The following NOL10 variants were observed in gnomAD, a reference collection of about 807,000 sequenced individuals.
The protein encoded by NOL10 is nucleolar protein 10, also known as H_NH0074G24.1.
A neutral mutation model predicts 103.5 loss-of-function variants in NOL10; 58 were observed. The observed-to-expected ratio is 0.56, with a 90% CI of 0.45 to 0.70. The LOEUF is 0.70. NOL10 is among the 30% of genes least tolerant of loss of function. The pLI, the probability that NOL10 is intolerant of heterozygous loss-of-function variation, is 0.00. For missense variants in NOL10, 763 were observed against 807.3 expected (o/e 0.95, Z 0.67); for synonymous variants, 287 against 282.5 (o/e 1.02, Z -0.16).
At position 10,572,310 on chromosome 2, in the gene NOL10, C is replaced by T. The variant is rs1674220377; in HGVS notation, c.1948-120G>A. 8.4e-6 allele frequency: 9 copies of T among 1,071,444 alleles called. No homozygotes were observed. The Admixed American group carries it at 1.0e-4, about 12-fold the overall frequency. 66.4% of individuals were successfully genotyped at this position (1,071,444 alleles called of 1,614,324 possible). On this transcript the variant is annotated intron_variant, in intron 20 of 20. Coordinates refer to ENST00000381685, the MANE Select transcript of NOL10 (RefSeq NM_024894.4). Reference sequence around the variant, plus strand: ...CTCAGAACTGCTGCCAGGAGAAATGCTGCCCACAGGCTCCAGGGGACATGG... The same window carrying T: ...CTCAGAACTGCTGCCAGGAGAAATGTTGCCCACAGGCTCCAGGGGACATGG...
intron 17 of NOL10, among the ~76,000 whole-genome samples, chr2:10,600,344 G>A (rs1216103129): frequency 1.3e-5 from 2 of 152,162 alleles, no homozygotes; most frequent in African/African-American, 4.8e-5. Flanking sequence ...ACTTCAGCCT[G>A]CATACTCGTA....
At position 10,587,855 on chromosome 2, in the gene NOL10, C is replaced by T. The variant is rs545488842; in HGVS notation, c.1844+1188G>A. Among the ~76,000 whole-genome samples, 10 of 152,296 alleles carry T rather than the reference C, an allele frequency of 6.6e-5. No individual in the cohort carries two copies. The East Asian group carries it at 1.7e-3, about 26-fold the overall frequency. The stretch of plus-strand genomic sequence containing the variant: ...CCCCACCCTTTTCCTCCTCCCACTT[C>T]GGAGAAAACACCTTCTCCTGCACGG... On this transcript the variant is annotated intron_variant, in intron 19 of 20. Coordinates refer to ENST00000381685, the MANE Select transcript of NOL10 (RefSeq NM_024894.4).
intron 7 of NOL10, 74 bp from the exon 8 acceptor site, chr2:10,667,352 TAAAC>T (rs1399869209): frequency 3.8e-5 from 42 of 1,096,742 alleles, no homozygotes; most frequent in Middle Eastern, 2.0e-4. Context: ...ATTAAATAAA[TAAAC>T]AGTCAACCCA....
chr2:10,603,790 A>G (rs1676109050), intron 14 of NOL10, among the ~76,000 whole-genome samples: 1 of 152,232 alleles, frequency 6.6e-6, no homozygotes, highest in Non-Finnish European at 1.5e-5. Flanking sequence ...TACACTTAGA[A>G]TTTGTGGTGC....
In NOL10 at chr2:10,581,737, T is replaced by C. The variant is rs180682602; in HGVS notation, c.1845-3999A>G. 1.9e-3 allele frequency among the ~76,000 whole-genome samples: 286 copies of C among 152,194 alleles called. 1 individual carries two copies. Among genetic ancestry groups the C allele is most frequent in the African/African-American group, 6.3e-3 (262 of 41,508 alleles). ...TCAGGAGGGTGAGGTGGGAGGATCA[T>C]TTGAGCCCAGCAGGTCGAGGCTGCA... is the stretch of plus-strand genomic sequence containing the variant. On this transcript the variant is annotated intron_variant, in intron 19 of 20. Coordinates refer to ENST00000381685, the MANE Select transcript of NOL10 (RefSeq NM_024894.4).
chr2:10,597,379 A>G (rs927264814), intron 17 of NOL10, among the ~76,000 whole-genome samples: 1 of 152,236 alleles, frequency 6.6e-6, no homozygotes, highest in African/African-American at 2.4e-5. Context: ...ATTGCAAGAT[A>G]CCTACTTTCA....
At position 10,689,839 on chromosome 2, in the gene NOL10, T is replaced by C. The variant is rs200469243; in HGVS notation, c.23A>G (p.Glu8Gly). The C allele has an allele frequency of 5.6e-6, 9 of 1,607,666 alleles. No homozygotes were observed. In the Admixed American group the frequency reaches 1.5e-4, roughly 27 times the overall value. Residue 8 changes from glutamate to glycine, a missense_variant, in exon 1 of 21, where the codon GAG becomes GGG. Glu to Gly is a moderately conservative substitution (Grantham distance 98). Coordinates refer to ENST00000381685, the MANE Select transcript of NOL10 (RefSeq NM_024894.4). ...GCAGCTGAGGCTGTAAATCTTCACC[T>C]CATTGAGGCTGGAGACCTGCATGGC... MQVSSLN[E>G]VKIYSLSCGK...
At position 10,657,903 on chromosome 2, in the gene NOL10, T is replaced by A. The variant is rs1056267572; in HGVS notation, c.757-12A>T. On this transcript the variant is annotated splice_polypyrimidine_tract_variant and intron_variant, in intron 10 of 20. Transcript: ENST00000381685. ...TCATATAATAAAACCTGAAAAAAAA[T>A]TATTTCTGTTTAAACAAACTAGACA... The A allele has an allele frequency of 1.9e-5, 28 of 1,496,350 alleles. No homozygotes were observed. The highest frequency in any genetic ancestry group is 2.2e-5 in the Non-Finnish European group (25 of 1,117,706). The allele number at this position is 1,496,350 out of a possible 1,614,324, so 92.7% of individuals were successfully genotyped here.
intron 1 of NOL10, among the ~76,000 whole-genome samples, chr2:10,685,216 A>C (rs1682068686): frequency 6.6e-6 from 1 of 152,228 alleles, no homozygotes; most frequent in African/African-American, 2.4e-5. Flanking sequence ...CCAGATAAAT[A>C]ACTGACCAAA....
At chr2:10,644,203 G>A in intron 13 of NOL10, 117 bp downstream of exon 13, 2 of 660,632 alleles carry the variant, frequency 3.0e-6, no homozygotes, top group Middle Eastern at 4.2e-4. Flanking sequence ...GGCTGAGGCT[G>A]CACCACTGCA....
rs1473449707 is a variant in NOL10 at position 10,689,829 on chromosome 2, A to T, written c.33T>A (p.Ile11=). ...GGGACTTGCCGCAGCTGAGGCTGTAAATCTTCACCTCATTGAGGCTGGAGA... is the reference window on the plus strand; with the variant it reads ...GGGACTTGCCGCAGCTGAGGCTGTATATCTTCACCTCATTGAGGCTGGAGA... MQVSSLNEVK[I]YSLSCGKSLP... is the part of the protein sequence containing the mutation. The change falls in exon 1 of 21, where the codon ATT becomes ATA. Residue 11 remains isoleucine, a synonymous_variant. Coordinates refer to ENST00000381685, the MANE Select transcript of NOL10 (RefSeq NM_024894.4). 6.2e-7 allele frequency: 1 copy of T among 1,608,110 alleles called. No homozygotes were observed. The highest frequency in any genetic ancestry group is 8.5e-7 in the Non-Finnish European group (1 of 1,177,484).
intron 6 of NOL10, among the ~76,000 whole-genome samples, chr2:10,669,753 G>A (rs920603525): frequency 5.2e-4 from 79 of 151,804 alleles, no homozygotes; most frequent in Middle Eastern, 3.4e-3. Context: ...TTACCTGGGC[G>A]TGGCGGCGCA....
chr2:10,668,614 C>T (rs1162895505), intron 7 of NOL10, 44 bp downstream of exon 7: 3 of 1,058,162 alleles, frequency 2.8e-6, no homozygotes, highest in Non-Finnish European at 4.1e-6. Context: ...CTGGCTCCAC[C>T]TCCTGGTCAA....
intron 13 of NOL10, among the ~76,000 whole-genome samples, chr2:10,636,264 T>C (rs561809503): frequency 3.3e-5 from 5 of 152,066 alleles, no homozygotes; most frequent in African/African-American, 9.6e-5. Context: ...ATACTCTGGA[T>C]AGCTGATAAA....
At chr2:10,576,196 A>C (rs894436339) in intron 20 of NOL10, among the ~76,000 whole-genome samples, 3 of 152,198 alleles carry the variant, frequency 2.0e-5, no homozygotes, top group Non-Finnish European at 4.4e-5. Context: ...TAGCATGGCT[A>C]TAATAAAGAT....
At chr2:10,586,737 T>C (rs10199831) in intron 19 of NOL10, among the ~76,000 whole-genome samples, 52,185 of 151,848 alleles carry the variant, frequency 0.34, 9,392 homozygotes, top group Non-Finnish European at 0.4. Context: ...GATCCTCTCC[T>C]ACCTAATGAA....
intron 1 of NOL10, among the ~76,000 whole-genome samples, chr2:10,687,529 C>A (rs927506250): frequency 1.3e-5 from 2 of 152,220 alleles, no homozygotes; most frequent in African/African-American, 4.8e-5. Flanking sequence ...TTCTTTCTCT[C>A]ACAATTTGAT....
At chr2:10,663,900 G>A (rs1386668121) in intron 8 of NOL10, among the ~76,000 whole-genome samples, 5 of 150,072 alleles carry the variant, frequency 3.3e-5, no homozygotes, top group South Asian at 2.1e-4. Context: ...GCAGTGAGCC[G>A]AGATCGCACC....
Position 10,674,610 on chromosome 2 carries a change from C to T in NOL10, c.290-1053G>A, listed in dbSNP as rs368072427. Among the ~76,000 whole-genome samples the T allele has an allele frequency of 2.3e-3, 345 of 152,128 alleles. 1 individual carries two copies. Among genetic ancestry groups the T allele is most frequent in the African/African-American group, 7.8e-3 (325 of 41,504 alleles). On this transcript the variant is annotated intron_variant, in intron 4 of 20. Transcript: ENST00000381685. The stretch of plus-strand genomic sequence containing the variant: ...ATCCCAGCACTTTGGGAGGTCGAGG[C>T]GGGTGGATCACGAGGTCAGGAGTTC...
Sources: gnomAD v4.1 joint callset for allele counts (sites outside exome capture counted in the v4.1 genomes callset) on GRCh38, gnomAD v4.1.1 for gene constraint, MANE v1.5 for transcripts, NCBI Gene and HGNC (gene_info 2026-07-23, HGNC 2026-07-21) for gene names.